SLC35F5: variants seen among roughly 807,000 people sequenced by gnomAD.
SLC35F5 encodes the protein solute carrier family 35 member F5.
In SLC35F5, 54 loss-of-function variants were observed where a neutral mutation model predicts 68.6. That is an observed-to-expected ratio of 0.79 (90% CI 0.63 to 0.99). SLC35F5 has a LOEUF of 0.99. Among genes scored for constraint, SLC35F5 ranks in the 50% least tolerant of loss-of-function variants. SLC35F5 has a pLI of 0.00. For synonymous variants in SLC35F5, 211 were observed against 205.2 expected (o/e 1.03, Z -0.24); for missense variants, 567 against 626.9 (o/e 0.90, Z 1.02).
Position 113,729,381 on chromosome 2 carries a change from C to CA in SLC35F5, c.1090+19dup, listed in dbSNP as rs112244994. On this transcript the variant is annotated intron_variant, in intron 11 of 15. Coordinates refer to ENST00000245680, the MANE Select transcript of SLC35F5 (RefSeq NM_025181.5). Reference sequence around the variant, plus strand: ...TAATCATTTAGAGTAAATAGCCTCCCAAGTTACATATATTCTTACCAAAGA... The same window carrying CA: ...TAATCATTTAGAGTAAATAGCCTCCCAAAGTTACATATATTCTTACCAAAGA... 3.9e-6 allele frequency: 5 copies of CA among 1,278,304 alleles called. No individual in the cohort carries two copies. In the African/African-American group the frequency reaches 7.6e-5, roughly 19 times the overall value. 79.2% of individuals were successfully genotyped at this position (1,278,304 alleles called of 1,614,324 possible).
chr2:113,731,434 C>T (rs893752869), intron 10 of SLC35F5, 150 bp downstream of exon 10: 4 of 579,738 alleles, frequency 6.9e-6, no homozygotes, highest in South Asian at 2.7e-5. Context: ...AAACTATTTA[C>T]GCATTTTTTT....
intron 15 of SLC35F5, 110 bp from the exon 16 acceptor site, chr2:113,715,305 C>T (rs1398269469): frequency 1.3e-5 from 2 of 152,138 alleles, no homozygotes; most frequent in East Asian, 3.8e-4. Context: ...TACCTATTTT[C>T]ACTGTATACA....
At chr2:113,734,556 A>C in intron 9 of SLC35F5, 30 bp downstream of exon 9, 1 of 1,251,704 alleles carries the variant, frequency 8.0e-7, no homozygotes, top group Non-Finnish European at 1.1e-6. Context: ...TTTTAAGCAG[A>C]GCAAACTAGC....
In SLC35F5 at chr2:113,742,848, A is replaced by G. The variant is rs1417037384; in HGVS notation, c.594T>C (p.Asn198=). Residue 198 remains asparagine (N), a synonymous_variant, in exon 7 of 16, where the codon AAT becomes AAC. Transcript: ENST00000245680. ...ACGGAAGCTGTCGAATCTCCATGAT[A>G]TTACTGAACCTCACACGAGACTTTT... ...TPKKSRVRFS[N]IMEIRQLPSS... 3 of 1,613,942 alleles carry G rather than the reference A, an allele frequency of 1.9e-6. No individual in the cohort carries two copies. Among genetic ancestry groups the G allele is most frequent in the Non-Finnish European group, 2.5e-6 (3 of 1,179,934 alleles).
At chr2:113,749,660 GT>G (rs1454854385) in intron 4 of SLC35F5, among the ~76,000 whole-genome samples, 8 of 152,124 alleles carry the variant, frequency 5.3e-5, no homozygotes, top group Non-Finnish European at 1.2e-4. Context: ...ATGAATAGTG[GT>G]TATTTTTAAG....
At chr2:113,737,913 ATAAT>A (rs1331092098) in intron 7 of SLC35F5, among the ~76,000 whole-genome samples, 1 of 151,934 alleles carries the variant, frequency 6.6e-6, no homozygotes, top group Non-Finnish European at 1.5e-5. Flanking sequence ...ATTATAGCAA[ATAAT>A]TAATATATTT....
At position 113,719,166 on chromosome 2, in the gene SLC35F5, T is replaced by C. The variant is rs777266735; in HGVS notation, c.1484A>G (p.His495Arg). Reference protein sequence around the residue: ...RRIFAFICRKHRIQRVPEDSE... With the variant: ...RRIFAFICRKRRIQRVPEDSE... Reference sequence around the variant, plus strand: ...GGACTAAACTTACCTCTGAATTCGATGTTTTCTGCATATAAAAGCAAATAT... The same window carrying C: ...GGACTAAACTTACCTCTGAATTCGACGTTTTCTGCATATAAAAGCAAATAT... The change falls in exon 14 of 16, where the codon CAT becomes CGT. Residue 495 changes from histidine (H) to arginine (R), a missense_variant. His to Arg is a conservative substitution (Grantham distance 29, BLOSUM62 0). Coordinates refer to ENST00000245680, the MANE Select transcript of SLC35F5 (RefSeq NM_025181.5). The C allele has an allele frequency of 3.7e-6, 6 of 1,604,536 alleles. No individual in the cohort carries two copies. Among genetic ancestry groups the C allele is most frequent in the Non-Finnish European group, 5.1e-6 (6 of 1,178,076 alleles).
intron 14 of SLC35F5, 91 bp from the exon 15 acceptor site, chr2:113,717,941 G>T (rs762987594): frequency 2.8e-5 from 24 of 857,950 alleles, no homozygotes; most frequent in Non-Finnish European, 3.8e-5. Flanking sequence ...AAGCTATGTG[G>T]ACAGGATGCA....
At chr2:113,702,868 G>C (rs1574188415), downstream of SLC35F5, among the ~76,000 whole-genome samples, 1 of 152,086 alleles carries the variant, frequency 6.6e-6, no homozygotes, top group Admixed American at 6.6e-5. Context: ...TAGCACTTTG[G>C]GAAGCTAAGG....
chr2:113,734,124 C>T (rs1281633347), intron 9 of SLC35F5, among the ~76,000 whole-genome samples: 3 of 152,188 alleles, frequency 2.0e-5, no homozygotes, highest in Non-Finnish European at 2.9e-5. Flanking sequence ...TAGTGCAAAA[C>T]TGCCAAATGA....
chr2:113,734,994 C>A (rs1446029598), intron 8 of SLC35F5, among the ~76,000 whole-genome samples: 1 of 152,116 alleles, frequency 6.6e-6, no homozygotes, highest in African/African-American at 2.4e-5. Context: ...GCCTGTGTCC[C>A]TAAAGTTATT....
rs780054626 is a variant in SLC35F5 at position 113,742,720 on chromosome 2, G to A, written c.722C>T (p.Ala241Val). 32 of 1,612,862 alleles carry A rather than the reference G, an allele frequency of 2.0e-5. No homozygotes were observed. The highest frequency in any genetic ancestry group is 1.6e-4 in the Middle Eastern group (1 of 6,076). The change falls in exon 7 of 16, where the codon GCG becomes GTG. Residue 241 changes from alanine to valine, a missense_variant. Transcript: ENST00000245680. The stretch of plus-strand genomic sequence containing the variant: ...AAAGCAAAAAAAAAAGCTAATTTTC[G>A]CTACTTGAGTTGCAGTAAGTTTCCC... ...TVGKLTATQV[A>V]KISFFFCFVW...
intron 1 of SLC35F5, 46 bp downstream of exon 1, chr2:113,756,324 C>T (rs4321376): frequency 0.21 from 334,089 of 1,554,852 alleles, 36,869 homozygotes; most frequent in South Asian, 0.24. Flanking sequence ...GCACTCCGTC[C>T]CGGTTTGGGC....
intron 10 of SLC35F5, among the ~76,000 whole-genome samples, chr2:113,731,092 A>G (rs1687864676): frequency 6.6e-6 from 1 of 152,182 alleles, no homozygotes; most frequent in African/African-American, 2.4e-5. Flanking sequence ...CACAACCTCA[A>G]TTTAACCAAA....
rs916547523 is a variant in SLC35F5 at position 113,712,947 on chromosome 2, C to T, written c.*2271G>A. ...CAATGTGCTCATTGTGATCCAAGGG[C>T]CTTGTTACCTAGTTTCTAGGTGATC... On this transcript the variant is annotated 3_prime_UTR_variant, in exon 16 of 16. Transcript: ENST00000245680. 1.3e-5 allele frequency: 2 copies of T among 152,126 alleles called. No individual in the cohort carries two copies. The highest frequency in any genetic ancestry group is 6.6e-5 in the Admixed American group (1 of 15,260). The allele number at this position is 152,126 out of a possible 1,614,324, so 9.4% of individuals were successfully genotyped here.
At chr2:113,744,086 C>G (rs1002443694) in intron 5 of SLC35F5, among the ~76,000 whole-genome samples, 1 of 152,158 alleles carries the variant, frequency 6.6e-6, no homozygotes, top group African/African-American at 2.4e-5. Flanking sequence ...CTAACAGATT[C>G]CATCTCAGCT....
chr2:113,726,438 A>T (rs1433949828), intron 11 of SLC35F5, among the ~76,000 whole-genome samples: 1 of 152,218 alleles, frequency 6.6e-6, no homozygotes, highest in Non-Finnish European at 1.5e-5. Flanking sequence ...TACTTCCTAT[A>T]CAGTTTATGT....
At chr2:113,732,532 T>C (rs1687938548) in intron 9 of SLC35F5, among the ~76,000 whole-genome samples, 1 of 152,162 alleles carries the variant, frequency 6.6e-6, no homozygotes, top group Non-Finnish European at 1.5e-5. Context: ...AAAGATGTCA[T>C]CAGAACTCAA....
At chr2:113,747,436 C>G (rs1453966914) in intron 4 of SLC35F5, among the ~76,000 whole-genome samples, 1 of 152,074 alleles carries the variant, frequency 6.6e-6, no homozygotes, top group African/African-American at 2.4e-5. Context: ...AAAAACTTGC[C>G]CAAGATCAAA....
Sources: gnomAD v4.1 joint callset for allele counts (sites outside exome capture counted in the v4.1 genomes callset) on GRCh38, gnomAD v4.1.1 for gene constraint, MANE v1.5 for transcripts, NCBI Gene and HGNC (gene_info 2026-07-23, HGNC 2026-07-21) for gene names.